The following UVRAG variants were observed in gnomAD, a reference collection of about 807,000 sequenced individuals.
The protein encoded by UVRAG is UV radiation resistance associated, also known as UV radiation resistance-associated gene protein.
Under a neutral mutation model 78.0 loss-of-function variants are expected in UVRAG, and 19 were observed. The ratio of observed to expected loss-of-function variants is 0.24; its 90% confidence interval spans 0.17 to 0.36. The LOEUF is 0.36. Ranked by LOEUF, UVRAG falls within the 10% of genes least tolerant of loss-of-function variation. UVRAG has a pLI of 1.00. For synonymous variants in UVRAG, 323 were observed against 324.6 expected, an observed-to-expected ratio of 1.00 and a Z score of 0.05; for missense variants, 740 against 853.8, an observed-to-expected ratio of 0.87 and a Z score of 1.66.
chr11:76,105,782 A>G (rs186378539), intron 13 of UVRAG, among the ~76,000 whole-genome samples: 1 of 152,260 alleles, frequency 6.6e-6, no homozygotes, highest in Non-Finnish European at 1.5e-5. Flanking sequence ...ATAAAACTTC[A>G]TTGAGACACT....
intron 6 of UVRAG, among the ~76,000 whole-genome samples, chr11:75,918,576 T>C (rs1204321107): frequency 6.6e-6 from 1 of 152,144 alleles, no homozygotes; most frequent in Non-Finnish European, 1.5e-5. Context: ...CTATCATTTA[T>C]GGAGTGCTTA....
At chr11:76,083,184 C>G (rs960198703) in intron 13 of UVRAG, among the ~76,000 whole-genome samples, 30 of 152,158 alleles carry the variant, frequency 2.0e-4, no homozygotes, top group Admixed American at 2.0e-3. Context: ...TCCTAGTCTT[C>G]ACAATAACCT....
At chr11:75,893,339 T>C (rs758461925) in intron 5 of UVRAG, among the ~76,000 whole-genome samples, 2 of 151,834 alleles carry the variant, frequency 1.3e-5, no homozygotes, top group Non-Finnish European at 2.9e-5. Flanking sequence ...GGCAGAAAGA[T>C]GGGCTCTTCA....
At chr11:75,876,850 TTTTTTA>T (rs1303155578) in intron 3 of UVRAG, among the ~76,000 whole-genome samples, 1 of 151,930 alleles carries the variant, frequency 6.6e-6, no homozygotes, top group South Asian at 2.1e-4. Context: ...TTATTTTTTA[TTTTTTA>T]TTTTTATTTT....
chr11:75,970,026 C>T (rs1411745841), intron 7 of UVRAG, among the ~76,000 whole-genome samples: 2 of 152,238 alleles, frequency 1.3e-5, no homozygotes, highest in South Asian at 2.1e-4. Flanking sequence ...CTAGCTATAA[C>T]CAAATTGCTG....
chr11:75,859,517 A>T (rs1425034415), intron 2 of UVRAG, among the ~76,000 whole-genome samples: 2 of 152,028 alleles, frequency 1.3e-5, no homozygotes, highest in Non-Finnish European at 2.9e-5. Context: ...TTAAACAATA[A>T]CAATAAAAAT....
chr11:76,096,191 CAA>C (rs1279999426), intron 13 of UVRAG, among the ~76,000 whole-genome samples: 1 of 152,098 alleles, frequency 6.6e-6, no homozygotes, highest in Admixed American at 6.5e-5. Context: ...AGACACAAAA[CAA>C]AGATTCACTG....
chr11:75,945,008 A>G (rs1948561784), intron 6 of UVRAG, among the ~76,000 whole-genome samples: 1 of 152,168 alleles, frequency 6.6e-6, no homozygotes, highest in African/African-American at 2.4e-5. Flanking sequence ...AGTGTCTACA[A>G]TGAGAAATGA....
intron 6 of UVRAG, among the ~76,000 whole-genome samples, chr11:75,923,078 G>A (rs994800806): frequency 2.1e-5 from 3 of 146,072 alleles, no homozygotes; most frequent in Admixed American, 1.4e-4. Context: ...CTTGTTGCCC[G>A]TGCTGGAGTG....
chr11:75,819,502 A>G (rs1017860196), intron 1 of UVRAG, among the ~76,000 whole-genome samples: 1 of 151,938 alleles, frequency 6.6e-6, no homozygotes, highest in East Asian at 2.0e-4. Flanking sequence ...CTGTGCCACC[A>G]TGCCCAGCTA....
intron 8 of UVRAG, among the ~76,000 whole-genome samples, chr11:75,991,418 G>A (rs767248961): frequency 6.6e-6 from 1 of 152,044 alleles, no homozygotes; most frequent in Non-Finnish European, 1.5e-5. Flanking sequence ...ACCTTTTCTA[G>A]TAAGAGTAAT....
chr11:76,016,706 T>A (rs1591136255), intron 11 of UVRAG, 109 bp from the exon 12 acceptor site: 2 of 1,035,690 alleles, frequency 1.9e-6, no homozygotes, highest in African/African-American at 1.6e-5. Context: ...TGGTTAATAT[T>A]TTATGTACCA....
Position 76,143,643 on chromosome 11 carries a change from A to G in UVRAG, c.*2230A>G, listed in dbSNP as rs1952760811. The stretch of plus-strand genomic sequence containing the variant: ...AGTTCGAGTTTGGGGTTTTCATTTG[A>G]ACTTGTTTGATGTCTGCAGTTTCTG... On this transcript the variant is annotated 3_prime_UTR_variant, in exon 15 of 15. Coordinates refer to ENST00000356136, the MANE Select transcript of UVRAG (RefSeq NM_003369.4). Among the ~76,000 whole-genome samples, 1 of 152,206 alleles carries G rather than the reference A, an allele frequency of 6.6e-6. No individual in the cohort carries two copies. The highest frequency in any genetic ancestry group is 6.5e-5 in the Admixed American group (1 of 15,280).
At chr11:76,083,871 G>T (rs759301372) in intron 13 of UVRAG, among the ~76,000 whole-genome samples, 1 of 152,186 alleles carries the variant, frequency 6.6e-6, no homozygotes, top group Non-Finnish European at 1.5e-5. Flanking sequence ...TTATTCAGGA[G>T]ATCAAAAGAG....
At chr11:76,064,751 A>G (rs1951156212) in intron 12 of UVRAG, among the ~76,000 whole-genome samples, 1 of 152,194 alleles carries the variant, frequency 6.6e-6, no homozygotes, top group South Asian at 2.1e-4. Context: ...TATGGAATGT[A>G]TCTTTTCCTC....
chr11:76,134,994 C>G (rs1185561334), intron 14 of UVRAG, among the ~76,000 whole-genome samples: 1 of 152,108 alleles, frequency 6.6e-6, no homozygotes, highest in African/African-American at 2.4e-5. Context: ...GTATTAGACT[C>G]TCATAGGAGC....
At chr11:75,880,709 C>T (rs769422827) in intron 4 of UVRAG, among the ~76,000 whole-genome samples, 7 of 151,980 alleles carry the variant, frequency 4.6e-5, no homozygotes, top group Non-Finnish European at 1.0e-4. Flanking sequence ...CATGTGCCAC[C>T]ATGCCCAGCT....
Position 75,880,017 on chromosome 11 carries a change from G to C in UVRAG, c.409G>C (p.Gly137Arg). Residue 137 changes from glycine to arginine, a missense_variant, in exon 4 of 15, where the codon GGG becomes CGG. Gly to Arg is a moderately radical substitution (Grantham distance 125). Transcript: ENST00000356136. ...LLIEWKVCLD[G>R]LKYLGQQIHA... The stretch of plus-strand genomic sequence containing the variant: ...GATTGAATGGAAAGTCTGTTTGGAT[G>C]GGCTGAAATACTTGGGTCAGCAGGT... 6.2e-7 allele frequency: 1 copy of C among 1,614,098 alleles called. No homozygotes were observed. The highest frequency in any genetic ancestry group is 8.5e-7 in the Non-Finnish European group (1 of 1,179,998).
intron 12 of UVRAG, among the ~76,000 whole-genome samples, chr11:76,023,843 G>T (rs1211801853): frequency 6.6e-6 from 1 of 152,034 alleles, no homozygotes; most frequent in Non-Finnish European, 1.5e-5. Flanking sequence ...AATTTTTCTT[G>T]ATTTTTTCTT....
Sources: allele counts gnomAD v4.1 joint callset (sites outside exome capture counted in the v4.1 genomes callset), GRCh38; gene constraint gnomAD v4.1.1; transcripts MANE v1.5; gene names NCBI Gene and HGNC (gene_info 2026-07-23, HGNC 2026-07-21).